Variants in ADK observed in about 807,000 individuals in gnomAD.
ADK encodes the protein adenosine kinase.
A neutral mutation model predicts 44.7 loss-of-function variants in ADK; 24 were observed. The observed-to-expected ratio is 0.54, with a 90% CI of 0.39 to 0.76. The LOEUF (loss-of-function observed/expected upper bound fraction) is 0.76, where lower values mean the gene tolerates loss of function less well. Ranked by LOEUF, ADK falls within the 30% of genes least tolerant of loss-of-function variation. The probability of loss-of-function intolerance (pLI) is 0.00; values close to 1 mark genes in which losing one functional copy is unlikely to be tolerated. For synonymous variants in ADK, 128 were observed against 142.6 expected (o/e 0.90, Z 0.73); for missense variants, 321 against 425.1 (o/e 0.76, Z 2.15).
At chr10:74,170,242 CTT>C (rs892697667) in intron 1 of ADK, among the ~76,000 whole-genome samples, 12 of 152,036 alleles carry the variant, frequency 7.9e-5, no homozygotes, top group African/African-American at 2.2e-4. Context: ...AGGATACACA[CTT>C]TTAACTTTTG....
At chr10:74,689,895 G>C (rs1432153685) in intron 10 of ADK, among the ~76,000 whole-genome samples, 1 of 152,182 alleles carries the variant, frequency 6.6e-6, no homozygotes, top group Non-Finnish European at 1.5e-5. Context: ...TCTCAAACTT[G>C]AGCGTGCATC....
At chr10:74,591,216 C>T (rs1244480516) in intron 8 of ADK, among the ~76,000 whole-genome samples, 1 of 152,136 alleles carries the variant, frequency 6.6e-6, no homozygotes, top group Non-Finnish European at 1.5e-5. Context: ...ACTATATTCA[C>T]CTTTCCATTA....
intron 6 of ADK, among the ~76,000 whole-genome samples, chr10:74,401,455 A>G (rs1261956262): frequency 6.6e-6 from 1 of 152,072 alleles, no homozygotes; most frequent in African/African-American, 2.4e-5. Flanking sequence ...TAGGATAGTT[A>G]GCTCTTCTTG....
chr10:74,288,215 A>G (rs963459848), intron 3 of ADK, among the ~76,000 whole-genome samples: 2 of 152,148 alleles, frequency 1.3e-5, no homozygotes, highest in South Asian at 2.1e-4. Flanking sequence ...ATAAAATTCA[A>G]TATTCAAATT....
chr10:74,216,754 A>T (rs11416069), intron 2 of ADK, among the ~76,000 whole-genome samples: 1 of 150,076 alleles, frequency 6.7e-6, no homozygotes, highest in Non-Finnish European at 1.5e-5. Flanking sequence ...AAAAAGTTTC[A>T]CAGACAAAAT....
intron 7 of ADK, among the ~76,000 whole-genome samples, chr10:74,565,284 CAT>C (rs1165282954): frequency 6.6e-6 from 1 of 152,206 alleles, no homozygotes; most frequent in Non-Finnish European, 1.5e-5. Flanking sequence ...ATATCCTTAA[CAT>C]GTGCTTTTTT....
At chr10:74,349,630 A>G (rs1841891078) in intron 4 of ADK, among the ~76,000 whole-genome samples, 1 of 152,158 alleles carries the variant, frequency 6.6e-6, no homozygotes, top group Non-Finnish European at 1.5e-5. Flanking sequence ...AAATTGGATG[A>G]AGAGTCAAGA....
intron 10 of ADK, among the ~76,000 whole-genome samples, chr10:74,699,260 T>C (rs1856324922): frequency 6.6e-6 from 1 of 151,742 alleles, no homozygotes; most frequent in Non-Finnish European, 1.5e-5. Flanking sequence ...TATTAAAAAG[T>C]ACTTTGTTTA....
chr10:74,362,908 T>C (rs1842382994), intron 4 of ADK, among the ~76,000 whole-genome samples: 1 of 152,226 alleles, frequency 6.6e-6, no homozygotes, highest in South Asian at 2.1e-4. Flanking sequence ...TCCAGACACC[T>C]GAAGCCAGAA....
chr10:74,418,944 G>C (rs75607964), intron 6 of ADK, among the ~76,000 whole-genome samples: 1 of 152,152 alleles, frequency 6.6e-6, no homozygotes, highest in Non-Finnish European at 1.5e-5. Flanking sequence ...TCTACTGATT[G>C]TGAACTCTGC....
intron 4 of ADK, among the ~76,000 whole-genome samples, chr10:74,387,834 A>G (rs989250428): frequency 2.0e-5 from 3 of 152,226 alleles, no homozygotes; most frequent in African/African-American, 7.2e-5. Flanking sequence ...AGGTGATACA[A>G]ATATAATAAT....
At chr10:74,606,457 A>C (rs978148821) in intron 9 of ADK, among the ~76,000 whole-genome samples, 2 of 152,174 alleles carry the variant, frequency 1.3e-5, no homozygotes, top group Non-Finnish European at 2.9e-5. Context: ...TTGGTTTTAA[A>C]GAACTTATTT....
intron 4 of ADK, among the ~76,000 whole-genome samples, chr10:74,320,369 C>G (rs1405106580): frequency 6.6e-6 from 1 of 152,142 alleles, no homozygotes; most frequent in Non-Finnish European, 1.5e-5. Context: ...AGTTGCTTTT[C>G]TCTCACTGAT....
At chr10:74,186,046 A>C (rs1842748562) in intron 1 of ADK, among the ~76,000 whole-genome samples, 1 of 151,490 alleles carries the variant, frequency 6.6e-6, no homozygotes, top group South Asian at 2.1e-4. Context: ...ATGGAGTTTC[A>C]CCATGTCGGC....
intron 9 of ADK, among the ~76,000 whole-genome samples, chr10:74,612,642 A>G (rs1432389400): frequency 2.0e-5 from 3 of 151,880 alleles, no homozygotes; most frequent in African/African-American, 4.8e-5. Flanking sequence ...TTAAGTTACA[A>G]TGGTCAATTT....
intron 6 of ADK, among the ~76,000 whole-genome samples, chr10:74,470,265 T>C (rs921089931): frequency 6.6e-6 from 1 of 152,112 alleles, no homozygotes; most frequent in Non-Finnish European, 1.5e-5. Context: ...CCTCAGGTGA[T>C]CCGCCTTCCT....
chr10:74,414,774 C>A (rs1844311151), intron 6 of ADK, among the ~76,000 whole-genome samples: 1 of 152,068 alleles, frequency 6.6e-6, no homozygotes, highest in Non-Finnish European at 1.5e-5. Flanking sequence ...TTTTTAATTT[C>A]TCTAGAATTT....
At chr10:74,695,687 A>G (rs1417536627) in intron 10 of ADK, among the ~76,000 whole-genome samples, 2 of 150,180 alleles carry the variant, frequency 1.3e-5, no homozygotes, top group African/African-American at 2.5e-5. Flanking sequence ...CCAGGATAGA[A>G]TGAGTACAGT....
chr10:74,691,407 C>G (rs1855983706), intron 10 of ADK, among the ~76,000 whole-genome samples: 1 of 152,152 alleles, frequency 6.6e-6, no homozygotes, highest in Admixed American at 6.5e-5. Flanking sequence ...CATATTATCT[C>G]TAAATAACTA....
Sources: gnomAD v4.1 joint callset for allele counts (sites outside exome capture counted in the v4.1 genomes callset) on GRCh38, gnomAD v4.1.1 for gene constraint, MANE v1.5 for transcripts, NCBI Gene and HGNC (gene_info 2026-07-23, HGNC 2026-07-21) for gene names.